The following ZBTB8B variants were observed in gnomAD, a reference collection of about 807,000 sequenced individuals.
ZBTB8B encodes the protein zinc finger and BTB domain-containing protein 8B.
In ZBTB8B, 17 loss-of-function variants were observed where a neutral mutation model predicts 30.3. The observed-to-expected ratio is 0.56, with a 90% confidence interval of 0.38 to 0.84. The LOEUF is 0.84. ZBTB8B is among the 40% of genes least tolerant of loss of function. ZBTB8B has a pLI of 0.00. For synonymous variants in ZBTB8B, 248 were observed against 255.6 expected, an observed-to-expected ratio of 0.97 and a Z score of 0.28; for missense variants, 515 against 644.9, an observed-to-expected ratio of 0.80 and a Z score of 2.18.
intron 1 of ZBTB8B, among the ~76,000 whole-genome samples, chr1:32,466,640 G>T (rs1045579501): frequency 6.6e-6 from 1 of 152,074 alleles, no homozygotes. Flanking sequence ...ATAGACTTTT[G>T]CAACGTCAGG....
At position 32,485,419 on chromosome 1, in the gene ZBTB8B, C is replaced by A. The variant is rs1290077920; in HGVS notation, c.*1C>A. On this transcript the variant is annotated 3_prime_UTR_variant, in exon 4 of 4. Transcript: ENST00000609129. ...ATCAGACCGAGAGACACTTACGTAG[C>A]AATAAATTGGTGGGGAAGAGGAGGT... The A allele has an allele frequency of 6.5e-7, 1 of 1,545,814 alleles. No homozygotes were observed. Among genetic ancestry groups the A allele is most frequent in the East Asian group, 2.5e-5 (1 of 40,760 alleles).
At chr1:32,472,128 GCCA>G (rs966006950) in intron 2 of ZBTB8B, among the ~76,000 whole-genome samples, 2 of 151,772 alleles carry the variant, frequency 1.3e-5, no homozygotes, top group African/African-American at 2.4e-5. Context: ...CACCATTATT[GCCA>G]CCACCACCAC....
chr1:32,472,012 TCACTACCATCATCACCAG>T (rs1186948505), intron 2 of ZBTB8B, among the ~76,000 whole-genome samples: 1 of 151,328 alleles, frequency 6.6e-6, no homozygotes. Flanking sequence ...ACCATCATCA[TCACTACCATCATCACCAG>T]TACCATCATC....
intron 2 of ZBTB8B, among the ~76,000 whole-genome samples, chr1:32,472,768 C>T (rs977202064): frequency 2.6e-5 from 4 of 152,138 alleles, no homozygotes; most frequent in Non-Finnish European, 4.4e-5. Context: ...AGGCGCATAC[C>T]GCCACGCCCA....
At chr1:32,483,242 TCCAAAAAAAAAAAAAAA>T (rs1188963678) in intron 3 of ZBTB8B, among the ~76,000 whole-genome samples, 4 of 33,104 alleles carry the variant, frequency 1.2e-4, no homozygotes, top group African/African-American at 2.7e-4. Flanking sequence ...CTACTAAAAA[TCCAAAAAAAAAAAAAAA>T]AAAAAAAAAA....
Position 32,471,035 on chromosome 1 carries a change from A to C in ZBTB8B, c.411A>C (p.Ala137=), listed in dbSNP as rs920252391. Residue 137 remains alanine, a synonymous_variant, in exon 2 of 4, where the codon GCA becomes GCC. Coordinates refer to ENST00000609129, the MANE Select transcript of ZBTB8B (RefSeq NM_001145720.2). ...KMEKEAAVAA[A]VAAAAAAAAA... ...AGAAGGAGGCTGCTGTGGCTGCAGC[A>C]GTGGCGGCGGCAGCGGCGGCGGCTG... The C allele has an allele frequency of 1.3e-6, 2 of 1,550,888 alleles. No individual in the cohort carries two copies. Among genetic ancestry groups the C allele is most frequent in the Non-Finnish European group, 1.7e-6 (2 of 1,146,642 alleles).
Position 32,485,506 on chromosome 1 carries a change from C to G in ZBTB8B, c.*88C>G. 1 of 1,300,912 alleles carries G rather than the reference C, an allele frequency of 7.7e-7. No homozygotes were observed. The highest frequency in any genetic ancestry group is 1.1e-6 in the Non-Finnish European group (1 of 951,602). The allele number at this position is 1,300,912 out of a possible 1,614,324, so 80.6% of individuals were successfully genotyped here. Reference sequence around the variant, plus strand: ...ATACCATTTGTCCAATTTTGTGGAACCCTGAGAGGAACATTTTTTCACTGT... The same window carrying G: ...ATACCATTTGTCCAATTTTGTGGAAGCCTGAGAGGAACATTTTTTCACTGT... On this transcript the variant is annotated 3_prime_UTR_variant, in exon 4 of 4. Transcript: ENST00000609129.
At chr1:32,476,721 G>A (rs1643667192) in intron 2 of ZBTB8B, among the ~76,000 whole-genome samples, 1 of 151,634 alleles carries the variant, frequency 6.6e-6, no homozygotes, top group Non-Finnish European at 1.5e-5. Context: ...CCCTGGAGTT[G>A]GAGGTTGCAG....
chr1:32,485,988 G>A lies in ZBTB8B; in HGVS notation c.*570G>A, dbSNP rs1023009093. 2 of 153,674 alleles carry A rather than the reference G, an allele frequency of 1.3e-5. No individual in the cohort carries two copies. The highest frequency in any genetic ancestry group is 4.8e-5 in the African/African-American group (2 of 41,434). The allele number at this position is 153,674 out of a possible 1,614,324, so 9.5% of individuals were successfully genotyped here. On this transcript the variant is annotated 3_prime_UTR_variant, in exon 4 of 4. Transcript: ENST00000609129. The stretch of plus-strand genomic sequence containing the variant: ...AATTTTAAAGGCTTGGAATACTTAT[G>A]GGCAGACGAACATGGGAATGATCTG...
chr1:32,480,405 A>T (rs1252474584), intron 2 of ZBTB8B, among the ~76,000 whole-genome samples: 1 of 152,150 alleles, frequency 6.6e-6, no homozygotes, highest in African/African-American at 2.4e-5. Context: ...AACTCATTTA[A>T]CCTTAATTAC....
In ZBTB8B at chr1:32,486,939, A is replaced by G. The variant is rs907542541; in HGVS notation, c.*1521A>G. 2 of 152,246 alleles carry G rather than the reference A, an allele frequency of 1.3e-5. No homozygotes were observed. The highest frequency in any genetic ancestry group is 2.4e-5 in the African/African-American group (1 of 41,462). The allele number at this position is 152,246 out of a possible 1,614,324, so 9.4% of individuals were successfully genotyped here. A position where few individuals can be genotyped will look rare whatever the true frequency, so the allele number is the denominator to read the frequency against. On this transcript the variant is annotated 3_prime_UTR_variant, in exon 4 of 4. Transcript: ENST00000609129. ...TCTACCTTTCGCCCACTTTCCAGCC[A>G]CACAATTATTGTAACAAAAGAGGCT...
At chr1:32,483,474 GCTGCTGGCACAT>G (rs2148186189) in intron 3 of ZBTB8B, among the ~76,000 whole-genome samples, 1 of 151,722 alleles carries the variant, frequency 6.6e-6, no homozygotes. Context: ...TCCCAAAGCA[GCTGCTGGCACAT>G]CTGAGGAATG....
rs1298182745 is a variant in ZBTB8B at position 32,471,369 on chromosome 1, T to G, written c.745T>G (p.Tyr249Asp). ...GGACGTTGGTGAACAGCTGCAGCAGTATGCTGCCCCGCTGAACCTGGCCCA... is the reference window on the plus strand; with the variant it reads ...GGACGTTGGTGAACAGCTGCAGCAGGATGCTGCCCCGCTGAACCTGGCCCA... The part of the protein sequence containing the change: ...EVDVGEQLQQ[Y>D]AAPLNLAHVE... The change falls in exon 2 of 4, where the codon TAT (tyrosine) becomes GAT (aspartate). Residue 249 changes from tyrosine to aspartate, a missense_variant. Transcript: ENST00000609129. The G allele has an allele frequency of 6.4e-7, 1 of 1,551,764 alleles. No individual in the cohort carries two copies. Among genetic ancestry groups the G allele is most frequent in the Non-Finnish European group, 8.7e-7 (1 of 1,147,014 alleles).
At chr1:32,469,036 AT>A (rs907405182) in intron 1 of ZBTB8B, among the ~76,000 whole-genome samples, 9 of 151,158 alleles carry the variant, frequency 6.0e-5, no homozygotes, top group South Asian at 2.1e-4. Flanking sequence ...ACAAAAAAAA[AT>A]TTTTTTTTAA....
chr1:32,470,722 G>A lies in ZBTB8B; in HGVS notation c.98G>A (p.Arg33Gln), dbSNP rs1398719251. The change falls in exon 2 of 4, where the codon CGG (arginine) becomes CAG (glutamine). Residue 33 changes from arginine (R) to glutamine (Q), a missense_variant. By Grantham distance (43) the Arg-to-Gln change is conservative (BLOSUM62 1). Around this residue, in one of 3 missense-constraint regions of ZBTB8B, gnomAD observed 61 missense variants for 117.7 expected, o/e 0.52. Coordinates refer to ENST00000609129, the MANE Select transcript of ZBTB8B (RefSeq NM_001145720.2). ...FCDCSIIVEG[R>Q]IFKAHRNILF... ...GACTGCAGCATCATTGTGGAAGGGCGGATCTTCAAGGCCCACAGGAACATT... is the reference window on the plus strand; with the variant it reads ...GACTGCAGCATCATTGTGGAAGGGCAGATCTTCAAGGCCCACAGGAACATT... The A allele has an allele frequency of 4.5e-6, 7 of 1,551,738 alleles. No homozygotes were observed. The highest frequency in any genetic ancestry group is 6.1e-6 in the Non-Finnish European group (7 of 1,147,008).
At position 32,492,882 on chromosome 1, in the gene ZBTB8B, G is replaced by A. The variant is rs72668543; in HGVS notation, c.*7464G>A. 11,927 of 152,048 alleles carry A rather than the reference G, an allele frequency of 0.078. 630 individuals carry two copies. Among genetic ancestry groups the A allele is most frequent in the South Asian group, 0.17 (828 of 4,802 alleles). 9.4% of individuals were successfully genotyped at this position (152,048 alleles called of 1,614,324 possible). The stretch of plus-strand genomic sequence containing the variant: ...GACAAGCACAGGGTACTCTGAGAAC[G>A]CGTGGGTCGGGTACCTAGCCAGTCA... On this transcript the variant is annotated 3_prime_UTR_variant, in exon 4 of 4. Coordinates refer to ENST00000609129, the MANE Select transcript of ZBTB8B (RefSeq NM_001145720.2).
rs1437257106 is a variant in ZBTB8B, at chr1:32,494,220, C to T, written c.*8802C>T. On this transcript the variant is annotated 3_prime_UTR_variant, in exon 4 of 4. Coordinates refer to ENST00000609129, the MANE Select transcript of ZBTB8B (RefSeq NM_001145720.2). ...AAAAAAAAAAAAAGAAATCAGGATACATATAGGACAGAACCATTAAATCAA... is the reference window on the plus strand; with the variant it reads ...AAAAAAAAAAAAAGAAATCAGGATATATATAGGACAGAACCATTAAATCAA... 1 of 137,348 alleles carries T rather than the reference C, an allele frequency of 7.3e-6. No homozygotes were observed. Among genetic ancestry groups the T allele is most frequent in the Non-Finnish European group, 1.6e-5 (1 of 64,340 alleles). 8.5% of individuals were successfully genotyped at this position (137,348 alleles called of 1,614,324 possible).
chr1:32,480,768 T>C, intron 2 of ZBTB8B, 123 bp from the exon 3 acceptor site: 4 of 844,226 alleles, frequency 4.7e-6, no homozygotes, highest in Non-Finnish European at 7.1e-6. Context: ...GGTGGCGGAG[T>C]TGGTGTCCTC....
chr1:32,469,888 A>G (rs1448333158), intron 1 of ZBTB8B, among the ~76,000 whole-genome samples: 1 of 151,944 alleles, frequency 6.6e-6, no homozygotes, highest in Non-Finnish European at 1.5e-5. Flanking sequence ...AGCAGACCAT[A>G]TTATTATTAT....
Sources: gnomAD v4.1 joint callset for allele counts (sites outside exome capture counted in the v4.1 genomes callset) on GRCh38, gnomAD v4.1.1 for gene constraint, gnomAD v4.1.1 regional missense constraint, MANE v1.5 for transcripts, NCBI Gene and HGNC (gene_info 2026-07-23, HGNC 2026-07-21) for gene names.